The following LGR6 variants were observed in gnomAD, a reference collection of about 807,000 sequenced individuals.
LGR6 encodes leucine-rich repeat-containing G protein-coupled receptor 6.
A neutral mutation model predicts 69.4 loss-of-function variants in LGR6; 45 were observed. That is an observed-to-expected ratio of 0.65 (90% confidence interval 0.51 to 0.83). The LOEUF (loss-of-function observed/expected upper bound fraction) is 0.83, where lower values mean the gene tolerates loss of function less well. Among genes scored for constraint, LGR6 ranks in the 40% least tolerant of loss-of-function variants. LGR6 has a pLI of 0.00. For missense variants in LGR6, 1,108 were observed against 1,246.7 expected (o/e 0.89, Z 1.68); for synonymous variants, 538 against 555.0 (o/e 0.97, Z 0.43).
chr1:202,247,356 C>T (rs1662801297), intron 4 of LGR6, among the ~76,000 whole-genome samples: 1 of 152,188 alleles, frequency 6.6e-6, no homozygotes, highest in South Asian at 2.1e-4. Context: ...AATTGGGAAT[C>T]ACTGTTCTTT....
Position 202,223,026 on chromosome 1 carries a change from C to T in LGR6, c.213-2397C>T, listed in dbSNP as rs538937573. ...TGAGGCAGGAGAATCACTTGAGCCC[C>T]GGAGGCGAAGGTTGCAGTGAGCCGA... On this transcript the variant is annotated intron_variant, in intron 1 of 17. Coordinates refer to ENST00000367278, the MANE Select transcript of LGR6 (RefSeq NM_001017403.2). 6.6e-5 allele frequency among the ~76,000 whole-genome samples: 10 copies of T among 150,890 alleles called. No individual in the cohort carries two copies. The South Asian group carries it at 1.3e-3, about 19-fold the overall frequency.
chr1:202,269,456 A>G (rs150450228), intron 4 of LGR6, among the ~76,000 whole-genome samples: 6 of 152,232 alleles, frequency 3.9e-5, no homozygotes, highest in Non-Finnish European at 8.8e-5. Flanking sequence ...ACTCTGCAAA[A>G]CCCTGATAGG....
At chr1:202,261,907 C>G (rs1356669266) in intron 4 of LGR6, among the ~76,000 whole-genome samples, 1 of 152,186 alleles carries the variant, frequency 6.6e-6, no homozygotes, top group African/African-American at 2.4e-5. Flanking sequence ...TGTTCATATC[C>G]TTTGCCTACT....
At chr1:202,225,045 C>T (rs1260153744) in intron 1 of LGR6, among the ~76,000 whole-genome samples, 1 of 152,176 alleles carries the variant, frequency 6.6e-6, no homozygotes, top group East Asian at 1.9e-4. Context: ...TTGTATTTGG[C>T]GATCCTTCCC....
At chr1:202,302,960 T>A (rs988373805) in intron 9 of LGR6, among the ~76,000 whole-genome samples, 2 of 152,138 alleles carry the variant, frequency 1.3e-5, no homozygotes, top group Admixed American at 6.5e-5. Flanking sequence ...GCACCCAAGC[T>A]GTTGTCTATT....
intron 1 of LGR6, among the ~76,000 whole-genome samples, chr1:202,221,875 G>C (rs1232386366): frequency 6.6e-6 from 1 of 152,202 alleles, no homozygotes; most frequent in Non-Finnish European, 1.5e-5. Context: ...TGTTTGAGCT[G>C]TGCCCTCTGA....
chr1:202,195,098 G>C (rs2147881884), intron 1 of LGR6, among the ~76,000 whole-genome samples: 2 of 152,240 alleles, frequency 1.3e-5, no homozygotes, highest in South Asian at 4.1e-4. Context: ...CCCCGCTCTG[G>C]GGCAAGGAAA....
intron 15 of LGR6, 49 bp from the exon 16 acceptor site, chr1:202,310,148 G>T: frequency 1.2e-6 from 2 of 1,601,424 alleles, no homozygotes; most frequent in Non-Finnish European, 8.5e-7. Context: ...TTAGGTCTTA[G>T]ACCCCAAAGA....
chr1:202,203,772 G>A (rs1658918561), intron 1 of LGR6: 1 of 1,611,118 alleles, frequency 6.2e-7, no homozygotes, highest in Admixed American at 1.7e-5. Context: ...TAATGCGGAA[G>A]CCCCTGAAAG....
Position 202,194,002 on chromosome 1 carries a change from C to A in LGR6, c.13C>A (p.Pro5Thr). 1 of 1,376,392 alleles carries A rather than the reference C, an allele frequency of 7.3e-7. No homozygotes were observed. Among genetic ancestry groups the A allele is most frequent in the Non-Finnish European group, 9.4e-7 (1 of 1,067,486 alleles). The allele number at this position is 1,376,392 out of a possible 1,614,324, so 85.3% of individuals were successfully genotyped here. A position where few individuals can be genotyped will look rare whatever the true frequency, so the allele number is the denominator to read the frequency against. The change falls in exon 1 of 18, where the codon CCG becomes ACG. Residue 5 changes from proline to threonine, a missense_variant. Pro to Thr is a conservative substitution (Grantham distance 38). Transcript: ENST00000367278. The part of the protein sequence containing the change: MPSP[P>T]GLRALWLCAA... The stretch of plus-strand genomic sequence containing the variant: ...CCCGACCGCCGAGATGCCCAGCCCG[C>A]CGGGGCTCCGGGCGCTATGGCTTTG...
At chr1:202,303,429 C>T in intron 10 of LGR6, 82 bp downstream of exon 10, 1 of 1,095,738 alleles carries the variant, frequency 9.1e-7, no homozygotes. Flanking sequence ...CCCTGGAAGG[C>T]TGTCTAGGTT....
At chr1:202,207,196 T>C (rs2147907985) in intron 1 of LGR6, among the ~76,000 whole-genome samples, 1 of 152,206 alleles carries the variant, frequency 6.6e-6, no homozygotes, top group African/African-American at 2.4e-5. Flanking sequence ...GGATTACAGG[T>C]GTGAGCCACT....
At chr1:202,204,445 CTCCACACACACACA>C (rs1658975855) in intron 1 of LGR6, among the ~76,000 whole-genome samples, 3 of 60,266 alleles carry the variant, frequency 5.0e-5, no homozygotes, top group Non-Finnish European at 1.1e-4. Flanking sequence ...ACACACACAC[CTCCACACACACACA>C]CCTCCACACA....
rs1471415364 is a variant in LGR6, at chr1:202,301,172, A to G, written c.866A>G (p.Tyr289Cys). Residue 289 changes from tyrosine (Y) to cysteine (C), a missense_variant, in exon 9 of 18, where the codon TAT becomes TGT. Tyr to Cys is a radical substitution (Grantham distance 194). Transcript: ENST00000367278. ...GGACCTTCTTCTTCCAGACACTTTT[A>G]TGATAACCCAATCCAGTTTGTGGGA... ...GNPLLQTIHFYDNPIQFVGRS... is the reference protein window; with the variant it reads ...GNPLLQTIHFCDNPIQFVGRS... The G allele has an allele frequency of 6.2e-7, 1 of 1,614,198 alleles. No individual in the cohort carries two copies. The highest frequency in any genetic ancestry group is 1.1e-5 in the South Asian group (1 of 91,088).
At chr1:202,262,661 A>G (rs931030637) in intron 4 of LGR6, among the ~76,000 whole-genome samples, 1 of 152,172 alleles carries the variant, frequency 6.6e-6, no homozygotes, top group African/African-American at 2.4e-5. Flanking sequence ...ATCCTCTGGA[A>G]TACCTATGAT....
intron 6 of LGR6, 105 bp from the exon 7 acceptor site, chr1:202,297,403 A>G: frequency 1.2e-6 from 1 of 847,922 alleles, no homozygotes; most frequent in South Asian, 1.6e-5. Context: ...CAGATTGGAA[A>G]ACCCATCTCC....
chr1:202,260,722 T>G (rs1437827087), intron 4 of LGR6, among the ~76,000 whole-genome samples: 1 of 152,218 alleles, frequency 6.6e-6, no homozygotes, highest in East Asian at 1.9e-4. Context: ...GGCAACTGTA[T>G]TTCTGATCTT....
intron 17 of LGR6, among the ~76,000 whole-genome samples, chr1:202,317,510 A>G (rs1654241932): frequency 1.3e-5 from 2 of 151,880 alleles, no homozygotes; most frequent in Admixed American, 1.3e-4. Flanking sequence ...ACACCCAGCT[A>G]ATTTTTTGTA....
chr1:202,271,474 C>G (rs1284499214), intron 4 of LGR6, among the ~76,000 whole-genome samples: 1 of 152,026 alleles, frequency 6.6e-6, no homozygotes, highest in Non-Finnish European at 1.5e-5. Context: ...TCCCAAGAGT[C>G]AGAGGTTCCT....
Sources: gnomAD v4.1 joint callset for allele counts (sites outside exome capture counted in the v4.1 genomes callset) on GRCh38, gnomAD v4.1.1 for gene constraint, MANE v1.5 for transcripts, NCBI Gene and HGNC (gene_info 2026-07-23, HGNC 2026-07-21) for gene names.